The following LNPK variants were observed in gnomAD, a reference collection of about 807,000 sequenced individuals.
The protein encoded by LNPK is endoplasmic reticulum junction formation protein lunapark.
LNPK carries 29 observed loss-of-function variants against 55.2 expected under a neutral mutation model. That is an observed-to-expected ratio of 0.53 (90% CI 0.39 to 0.72). LNPK has a LOEUF of 0.72. LNPK is among the 30% of genes least tolerant of loss of function. The probability of loss-of-function intolerance (pLI) is 0.00; values close to 1 mark genes in which losing one functional copy is unlikely to be tolerated. For synonymous variants in LNPK, 162 were observed against 168.2 expected (o/e 0.96, Z 0.29); for missense variants, 467 against 494.8 (o/e 0.94, Z 0.53).
intron 5 of LNPK, 112 bp from the exon 6 acceptor site, chr2:175,970,916 A>C: frequency 1.1e-6 from 1 of 930,458 alleles, no homozygotes; most frequent in Non-Finnish European, 1.5e-6. Context: ...AGGATTTTTC[A>C]AAATTTAACT....
intron 8 of LNPK, among the ~76,000 whole-genome samples, chr2:175,953,084 T>TA (rs1468150470): frequency 6.6e-6 from 1 of 152,094 alleles, no homozygotes; most frequent in East Asian, 1.9e-4. Context: ...AAAATGCCCA[T>TA]ATTCTCTGTG....
At position 175,927,989 on chromosome 2, in the gene LNPK, T is replaced by C. The variant is rs1018757937; in HGVS notation, c.*1978A>G. 3 of 152,194 alleles carry C rather than the reference T, an allele frequency of 2.0e-5. No individual in the cohort carries two copies. Among genetic ancestry groups the C allele is most frequent in the African/African-American group, 4.8e-5 (2 of 41,458 alleles). 9.4% of individuals were successfully genotyped at this position (152,194 alleles called of 1,614,324 possible). Reference sequence around the variant, plus strand: ...GCAATGTATATCAGAATTTGAATGTTTTATAACAACATGACTAAGCAAGAT... The same window carrying C: ...GCAATGTATATCAGAATTTGAATGTCTTATAACAACATGACTAAGCAAGAT... On this transcript the variant is annotated 3_prime_UTR_variant, in exon 13 of 13. Transcript: ENST00000272748.
Position 175,997,664 on chromosome 2 carries a change from T to G in LNPK, c.-62-2018A>C, listed in dbSNP as rs1401620157. 9.9e-5 allele frequency among the ~76,000 whole-genome samples: 15 copies of G among 151,906 alleles called. No individual in the cohort carries two copies. The South Asian group carries it at 2.3e-3, about 23-fold the overall frequency. ...GGCACCAACAATATCAGTTAAACAC[T>G]TAGTAAGTACTTCATTTCTAGCGGC... is the stretch of plus-strand genomic sequence containing the variant. On this transcript the variant is annotated intron_variant, in intron 1 of 12. Transcript: ENST00000272748.
chr2:175,974,703 A>G (rs1364439449), intron 5 of LNPK, among the ~76,000 whole-genome samples: 2 of 152,212 alleles, frequency 1.3e-5, no homozygotes, highest in African/African-American at 4.8e-5. Context: ...AACTTGTAAA[A>G]CAAAACAAGT....
At chr2:175,995,433 GA>G (rs1320721430) in intron 2 of LNPK, 124 bp downstream of exon 2, 4 of 613,324 alleles carry the variant, frequency 6.5e-6, no homozygotes, top group Non-Finnish European at 1.1e-5. Context: ...CAAAAGAGAA[GA>G]AAAAAGTTAA....
chr2:175,938,402 T>C lies in LNPK; in HGVS notation c.813-19A>G, dbSNP rs755336980. ...TGCATACCTACACCGTAAGGAAAAA[T>C]GAACAGACCAGTTACAAATGCAAAC... On this transcript the variant is annotated intron_variant, in intron 10 of 12. Transcript: ENST00000272748. 28 of 1,441,746 alleles carry C rather than the reference T, an allele frequency of 1.9e-5. No homozygotes were observed. The highest frequency in any genetic ancestry group is 2.6e-5 in the Non-Finnish European group (27 of 1,043,370). The allele number at this position is 1,441,746 out of a possible 1,614,324, so 89.3% of individuals were successfully genotyped here. A position where few individuals can be genotyped will look rare whatever the true frequency, so the allele number is the denominator to read the frequency against.
intron 4 of LNPK, among the ~76,000 whole-genome samples, chr2:175,983,813 AAAT>A (rs1687286109): frequency 6.6e-6 from 1 of 152,096 alleles, no homozygotes; most frequent in Admixed American, 6.5e-5. Flanking sequence ...TTAAAAAAAA[AAAT>A]GTGATTCCTT....
chr2:175,993,925 A>G (rs1359405677), intron 2 of LNPK, among the ~76,000 whole-genome samples: 1 of 152,344 alleles, frequency 6.6e-6, no homozygotes, highest in African/African-American at 2.4e-5. Context: ...CTGATTTGCT[A>G]TTGCTAAAAG....
chr2:175,938,675 C>G lies in LNPK; in HGVS notation c.813-292G>C, dbSNP rs1684668174. 10 of 192,682 alleles carry G rather than the reference C, an allele frequency of 5.2e-5. No homozygotes were observed. The South Asian group carries it at 1.6e-3, about 31-fold the overall frequency. 11.9% of individuals were successfully genotyped at this position (192,682 alleles called of 1,614,324 possible). On this transcript the variant is annotated intron_variant, in intron 10 of 12. Coordinates refer to ENST00000272748, the MANE Select transcript of LNPK (RefSeq NM_030650.3). Reference sequence around the variant, plus strand: ...AGCAGAAACATATTTGACAACTGAACACTTAAATTTTGGTGTTTCCCAGAG... The same window carrying G: ...AGCAGAAACATATTTGACAACTGAAGACTTAAATTTTGGTGTTTCCCAGAG...
Position 175,947,744 on chromosome 2 carries a change from C to T in LNPK, c.494-52G>A, listed in dbSNP as rs530627870. On this transcript the variant is annotated intron_variant, in intron 8 of 12. Transcript: ENST00000272748. Reference sequence around the variant, plus strand: ...TTAATTTCCAATATACCATATTAGCCAGTATCACAAACAATTTATATTTAT... The same window carrying T: ...TTAATTTCCAATATACCATATTAGCTAGTATCACAAACAATTTATATTTAT... The T allele has an allele frequency of 8.1e-6, 10 of 1,241,244 alleles. No individual in the cohort carries two copies. In the African/African-American group the frequency reaches 1.2e-4, roughly 15 times the overall value. 76.9% of individuals were successfully genotyped at this position (1,241,244 alleles called of 1,614,324 possible). A position where few individuals can be genotyped will look rare whatever the true frequency, so the allele number is the denominator to read the frequency against.
intron 1 of LNPK, among the ~76,000 whole-genome samples, chr2:175,999,912 T>C (rs1839008): frequency 0.91 from 137,802 of 152,148 alleles, 63,165 homozygotes; most frequent in East Asian, 1. Flanking sequence ...ATTACAGGTG[T>C]ATGCCACCAC....
chr2:175,982,818 T>C (rs1334281287), intron 4 of LNPK, among the ~76,000 whole-genome samples: 2 of 152,230 alleles, frequency 1.3e-5, no homozygotes, highest in South Asian at 2.1e-4. Flanking sequence ...TATAGCAACA[T>C]ATTTTGTGAA....
chr2:175,934,594 A>G (rs1329404098), intron 12 of LNPK, among the ~76,000 whole-genome samples: 1 of 152,150 alleles, frequency 6.6e-6, no homozygotes, highest in Non-Finnish European at 1.5e-5. Flanking sequence ...AATATCAACA[A>G]TGTAGAAACC....
At chr2:175,986,775 A>G (rs1458824599) in intron 4 of LNPK, among the ~76,000 whole-genome samples, 1 of 152,178 alleles carries the variant, frequency 6.6e-6, no homozygotes, top group African/African-American at 2.4e-5. Context: ...AAGAACAGGT[A>G]GAAAATTCCT....
At chr2:175,982,329 A>G (rs1459032487) in intron 4 of LNPK, among the ~76,000 whole-genome samples, 1 of 152,230 alleles carries the variant, frequency 6.6e-6, no homozygotes, top group African/African-American at 2.4e-5. Flanking sequence ...TTTAAAAAGC[A>G]TATATAATTG....
rs1391491310 is a variant in LNPK, at chr2:175,929,473, TTAATG to T, written c.*489_*493del. ...TATGTGGTAACAACTTTCATACCGC[TTAATG>T]TAAACACCTAAATAGACATTTCTCC... On this transcript the variant is annotated 3_prime_UTR_variant, in exon 13 of 13. Coordinates refer to ENST00000272748, the MANE Select transcript of LNPK (RefSeq NM_030650.3). 1.0e-6 allele frequency: 1 copy of T among 989,608 alleles called. No homozygotes were observed. Among genetic ancestry groups the T allele is most frequent in the Admixed American group, 6.0e-5 (1 of 16,790 alleles). 61.3% of individuals were successfully genotyped at this position (989,608 alleles called of 1,614,324 possible). A position where few individuals can be genotyped will look rare whatever the true frequency, so the allele number is the denominator to read the frequency against.
chr2:175,959,696 A>T (rs1685905343), intron 8 of LNPK, among the ~76,000 whole-genome samples: 1 of 152,204 alleles, frequency 6.6e-6, no homozygotes, highest in Non-Finnish European at 1.5e-5. Context: ...GACAGGATCA[A>T]ATTCACATAT....
At chr2:175,955,302 G>A (rs1441814455) in intron 8 of LNPK, among the ~76,000 whole-genome samples, 1 of 152,132 alleles carries the variant, frequency 6.6e-6, no homozygotes, top group Non-Finnish European at 1.5e-5. Context: ...CACCAGGGAA[G>A]AGTAAGCTCA....
chr2:175,980,788 T>G (rs900161305), intron 4 of LNPK, among the ~76,000 whole-genome samples: 2 of 151,118 alleles, frequency 1.3e-5, no homozygotes, highest in African/African-American at 4.9e-5. Context: ...ACGCCTGTAG[T>G]CCCAGCTACT....
Sources: allele counts gnomAD v4.1 joint callset (sites outside exome capture counted in the v4.1 genomes callset), GRCh38; gene constraint gnomAD v4.1.1; transcripts MANE v1.5; gene names NCBI Gene and HGNC (gene_info 2026-07-23, HGNC 2026-07-21).